CTDSPL: variants seen among roughly 807,000 people sequenced by gnomAD.
CTDSPL encodes the protein CTD small phosphatase-like protein.
A neutral mutation model predicts 30.5 loss-of-function variants in CTDSPL; 8 were observed. The ratio of observed to expected loss-of-function variants is 0.26; its 90% CI spans 0.15 to 0.47. The LOEUF (loss-of-function observed/expected upper bound fraction) is 0.47. CTDSPL is among the 20% of genes least tolerant of loss of function. The pLI is 0.99. For synonymous variants in CTDSPL, 110 were observed against 137.9 expected (o/e 0.80, Z 1.42); for missense variants, 248 against 366.1 (o/e 0.68, Z 2.63).
chr3:37,922,555 CT>C (rs1189589127), intron 1 of CTDSPL, among the ~76,000 whole-genome samples: 3 of 152,240 alleles, frequency 2.0e-5, no homozygotes, highest in Non-Finnish European at 4.4e-5. Context: ...CTCAGAGTGT[CT>C]TTTTATTAAA....
At chr3:37,885,736 C>T (rs1012812415) in intron 1 of CTDSPL, among the ~76,000 whole-genome samples, 1 of 151,864 alleles carries the variant, frequency 6.6e-6, no homozygotes, top group Non-Finnish European at 1.5e-5. Context: ...TACAGGTGAG[C>T]AGGAAAAAAG....
At chr3:37,972,224 C>T (rs187810366) in intron 6 of CTDSPL, among the ~76,000 whole-genome samples, 11 of 152,280 alleles carry the variant, frequency 7.2e-5, no homozygotes, top group East Asian at 1.9e-4. Context: ...AGGCCGGGCG[C>T]GGTTGCTCAT....
intron 1 of CTDSPL, among the ~76,000 whole-genome samples, chr3:37,900,189 G>C (rs1278903435): frequency 2.0e-5 from 3 of 152,240 alleles, no homozygotes; most frequent in African/African-American, 7.2e-5. Context: ...AGGAAGGCTT[G>C]AGTGTGAGCG....
intron 1 of CTDSPL, among the ~76,000 whole-genome samples, chr3:37,895,029 T>A (rs1387812169): frequency 2.0e-5 from 3 of 152,214 alleles, no homozygotes; most frequent in Non-Finnish European, 4.4e-5. Flanking sequence ...CTAGGTTATC[T>A]TGGATTCTCT....
intron 1 of CTDSPL, among the ~76,000 whole-genome samples, chr3:37,944,312 A>G (rs72863938): frequency 6.6e-6 from 1 of 150,606 alleles, no homozygotes; most frequent in African/African-American, 2.4e-5. Context: ...TTGCTTAGTT[A>G]TGATCAAGTC....
intron 1 of CTDSPL, among the ~76,000 whole-genome samples, chr3:37,914,560 A>G (rs1418321608): frequency 6.6e-6 from 1 of 152,212 alleles, no homozygotes; most frequent in Non-Finnish European, 1.5e-5. Flanking sequence ...ATGTTATCAA[A>G]TTATTTTTCT....
intron 1 of CTDSPL, among the ~76,000 whole-genome samples, chr3:37,863,594 C>T (rs1296694244): frequency 6.6e-6 from 1 of 152,234 alleles, no homozygotes; most frequent in African/African-American, 2.4e-5. Flanking sequence ...TGACCCCTCT[C>T]CAGGCCGGAG....
chr3:37,906,890 CCA>C (rs1286327856), intron 1 of CTDSPL, among the ~76,000 whole-genome samples: 11 of 152,144 alleles, frequency 7.2e-5, no homozygotes, highest in African/African-American at 2.4e-4. Flanking sequence ...CCACTCTGGC[CCA>C]CACACAGTGG....
intron 1 of CTDSPL, among the ~76,000 whole-genome samples, chr3:37,864,941 G>A (rs1697992595): frequency 6.6e-6 from 1 of 152,150 alleles, no homozygotes; most frequent in Non-Finnish European, 1.5e-5. Context: ...TGACCTGAGG[G>A]TTCAAAGAGA....
intron 1 of CTDSPL, among the ~76,000 whole-genome samples, chr3:37,914,873 C>CTTTTTTGTTTTTTTT (rs1698626747): frequency 1.9e-5 from 1 of 51,284 alleles, no homozygotes; most frequent in Non-Finnish European, 3.6e-5. Context: ...TATATATGTT[C>CTTTTTTGTTTTTTTT]TTTTTTTTTT....
At chr3:37,916,521 G>A (rs568694690) in intron 1 of CTDSPL, among the ~76,000 whole-genome samples, 1 of 152,266 alleles carries the variant, frequency 6.6e-6, no homozygotes, top group South Asian at 2.1e-4. Flanking sequence ...CTTATAAGAA[G>A]AGAAGAAAAG....
intron 1 of CTDSPL, among the ~76,000 whole-genome samples, chr3:37,917,425 T>A (rs1283091386): frequency 2.0e-5 from 3 of 152,250 alleles, no homozygotes; most frequent in Non-Finnish European, 4.4e-5. Context: ...TTATGGCACA[T>A]CTTTTTCCCT....
At position 37,975,777 on chromosome 3, in the gene CTDSPL, A is replaced by G. The variant is rs373461558; in HGVS notation, c.588A>G (p.Ser196=). The G allele has an allele frequency of 1.1e-5, 17 of 1,613,844 alleles. No individual in the cohort carries two copies. The highest frequency in any genetic ancestry group is 1.3e-5 in the African/African-American group (1 of 74,840). The change falls in exon 7 of 8, where the codon TCA becomes TCG. Residue 196 remains serine, a synonymous_variant. Transcript: ENST00000273179. The surrounding 1 kb of genome is among the most constrained non-coding windows in gnomAD (Gnocchi z 4.9). The stretch of plus-strand genomic sequence containing the variant: ...TCCGGGCCCGGCTCTTCAGAGAATC[A>G]TGTGTTTTTCATCGTGGGAACTACG... The part of the protein sequence containing the change: ...GVFRARLFRE[S]CVFHRGNYVK...
In CTDSPL at chr3:37,981,085, A is replaced by T; in HGVS notation, c.*218A>T. The T allele has an allele frequency of 2.7e-6, 1 of 374,542 alleles. No individual in the cohort carries two copies. Among genetic ancestry groups the T allele is most frequent in the East Asian group, 4.5e-5 (1 of 22,236 alleles). 23.2% of individuals were successfully genotyped at this position (374,542 alleles called of 1,614,324 possible). Reference sequence around the variant, plus strand: ...AATTTCATAAAGGGACATGCATTTTACTGGGTTTGCTTTTCTTAAAACATA... The same window carrying T: ...AATTTCATAAAGGGACATGCATTTTTCTGGGTTTGCTTTTCTTAAAACATA... On this transcript the variant is annotated 3_prime_UTR_variant, in exon 8 of 8. Transcript: ENST00000273179.
At chr3:37,900,610 T>A (rs1698438097) in intron 1 of CTDSPL, among the ~76,000 whole-genome samples, 1 of 152,198 alleles carries the variant, frequency 6.6e-6, no homozygotes, top group African/African-American at 2.4e-5. Context: ...ATAATATTGT[T>A]AACCATCATT....
intron 2 of CTDSPL, among the ~76,000 whole-genome samples, chr3:37,949,557 A>G (rs145574029): frequency 1.3e-5 from 2 of 152,372 alleles, no homozygotes; most frequent in African/African-American, 4.8e-5. Flanking sequence ...ACATACACAT[A>G]CAAGCATTTA....
chr3:37,933,313 C>T (rs1231750643), intron 1 of CTDSPL, among the ~76,000 whole-genome samples: 1 of 152,016 alleles, frequency 6.6e-6, no homozygotes, highest in East Asian at 1.9e-4. Context: ...TTCTCCTCTC[C>T]CTTCCAGTTC....
chr3:37,918,998 A>G (rs555415577), intron 1 of CTDSPL, among the ~76,000 whole-genome samples: 16 of 152,184 alleles, frequency 1.1e-4, no homozygotes, highest in Non-Finnish European at 1.8e-4. Context: ...ATGTAATATA[A>G]TAAATAAGTT....
chr3:37,952,962 G>C (rs779953113), intron 2 of CTDSPL, among the ~76,000 whole-genome samples: 1 of 152,152 alleles, frequency 6.6e-6, no homozygotes, highest in Non-Finnish European at 1.5e-5. Context: ...AATATAATGC[G>C]AGTCACATGT....
Sources: gnomAD v4.1 joint callset for allele counts (sites outside exome capture counted in the v4.1 genomes callset) on GRCh38, gnomAD v4.1.1 for gene constraint, Gnocchi (gnomAD v3.1) non-coding constraint, MANE v1.5 for transcripts, NCBI Gene and HGNC (gene_info 2026-07-23, HGNC 2026-07-21) for gene names.